ALDH3B1: variants seen among roughly 807,000 people sequenced by gnomAD.
ALDH3B1 encodes the protein aldehyde dehydrogenase family 3 member B1.
In ALDH3B1, 37 loss-of-function variants were observed where a neutral mutation model predicts 46.2. The ratio of observed to expected loss-of-function variants is 0.80; its 90% CI spans 0.62 to 1.05. The LOEUF is 1.05. Among genes scored for constraint, ALDH3B1 ranks in the 50% least tolerant of loss-of-function variants. The pLI is 0.00. For missense variants in ALDH3B1, 603 were observed against 665.5 expected (o/e 0.91, Z 1.03); for synonymous variants, 283 against 281.0 (o/e 1.01, Z -0.07).
intron 1 of ALDH3B1, among the ~76,000 whole-genome samples, chr11:68,013,662 C>T (rs184830566): frequency 3.9e-4 from 59 of 152,334 alleles, no homozygotes; most frequent in African/African-American, 1.4e-3. Context: ...CATTAGCATC[C>T]CCATTTCACA....
chr11:68,018,895 T>G lies in ALDH3B1; in HGVS notation c.394+2T>G, dbSNP rs754760364. On this transcript the variant is annotated splice_donor_variant, in intron 4 of 9. Transcript: ENST00000342456. LOFTEE classifies it high-confidence loss of function. ...CCCTCGTGGGAGCCCTCGCTGCAGG[T>G]GAGAGCTGGGCCTGCCCCTTCCGGT... 8 of 1,553,456 alleles carry G rather than the reference T, an allele frequency of 5.1e-6. No individual in the cohort carries two copies. The Admixed American group carries it at 7.8e-5, about 15-fold the overall frequency.
chr11:68,022,419 G>A (rs1021447873), intron 7 of ALDH3B1, among the ~76,000 whole-genome samples, 176 bp from the exon 8 acceptor site: 2 of 152,184 alleles, frequency 1.3e-5, no homozygotes, highest in African/African-American at 4.8e-5. Context: ...AGTCCCTTCT[G>A]GGGGGCTGTG....
At chr11:68,023,706 A>G (rs1857558239) in intron 8 of ALDH3B1, among the ~76,000 whole-genome samples, 2 of 152,028 alleles carry the variant, frequency 1.3e-5, no homozygotes. Context: ...CCCACACCTA[A>G]TTTCCCCCAT....
rs1292082996 is a variant in ALDH3B1 at position 68,029,084 on chromosome 11, G to A, written c.*1145G>A. ...CAATTTCCTAACAAGCCGGATGCTTGAGAAACCTACATTTGGACAATGAGA... is the reference window on the plus strand; with the variant it reads ...CAATTTCCTAACAAGCCGGATGCTTAAGAAACCTACATTTGGACAATGAGA... On this transcript the variant is annotated 3_prime_UTR_variant, in exon 10 of 10. Transcript: ENST00000342456. 1 of 152,254 alleles carries A rather than the reference G, an allele frequency of 6.6e-6. No homozygotes were observed. The highest frequency in any genetic ancestry group is 2.4e-5 in the African/African-American group (1 of 41,446). 9.4% of individuals were successfully genotyped at this position (152,254 alleles called of 1,614,324 possible).
At chr11:68,024,306 G>T (rs1039703922) in intron 8 of ALDH3B1, 1 of 152,242 alleles carries the variant, frequency 6.6e-6, no homozygotes, top group African/African-American at 2.4e-5. Flanking sequence ...ACCGGGTCAG[G>T]ACGGTATCTG....
At chr11:68,009,295 C>CAGGCAT (rs1330511116), upstream of ALDH3B1, among the ~76,000 whole-genome samples, 1 of 152,208 alleles carries the variant, frequency 6.6e-6, no homozygotes, top group Admixed American at 6.5e-5. Context: ...GGGAGAGGAG[C>CAGGCAT]AGGCATGAGG....
upstream of ALDH3B1, among the ~76,000 whole-genome samples, chr11:68,008,860 T>C (rs193115937): frequency 6.6e-6 from 1 of 152,238 alleles, no homozygotes; most frequent in Non-Finnish European, 1.5e-5. Flanking sequence ...TCCACACCTG[T>C]CACCCTGTCC....
rs1857322549 is a variant in ALDH3B1 at position 68,015,305 on chromosome 11, C to T, written c.8C>T (p.Pro3Leu). MD[P>L]LGDTLRRLRE... Reference sequence around the variant, plus strand: ...GCCACCCCATCTGGCAGGATGGACCCCCTTGGGGACACGCTGCGGCGACTG... The same window carrying T: ...GCCACCCCATCTGGCAGGATGGACCTCCTTGGGGACACGCTGCGGCGACTG... The change falls in exon 2 of 10, where the codon CCC becomes CTC. Residue 3 changes from proline to leucine, a missense_variant. Physicochemically the swap from Pro to Leu is moderately conservative, Grantham distance 98 (BLOSUM62 -3). Coordinates refer to ENST00000342456, the MANE Select transcript of ALDH3B1 (RefSeq NM_000694.4). 2.7e-6 allele frequency: 4 copies of T among 1,499,878 alleles called. No homozygotes were observed. The East Asian group carries it at 7.4e-5, about 28-fold the overall frequency. The allele number at this position is 1,499,878 out of a possible 1,614,324, so 92.9% of individuals were successfully genotyped here. A position where few individuals can be genotyped will look rare whatever the true frequency, so the allele number is the denominator to read the frequency against.
chr11:68,020,043 C>A (rs1857453128), intron 6 of ALDH3B1, among the ~76,000 whole-genome samples: 1 of 152,124 alleles, frequency 6.6e-6, no homozygotes, highest in Non-Finnish European at 1.5e-5. Context: ...TGTCCCCAGA[C>A]CCTCATACGT....
Position 68,028,973 on chromosome 11 carries a change from A to G in ALDH3B1, c.*1034A>G, listed in dbSNP as rs917034428. 6.6e-6 allele frequency: 1 copy of G among 152,266 alleles called. No homozygotes were observed. The highest frequency in any genetic ancestry group is 2.4e-5 in the African/African-American group (1 of 41,434). 9.4% of individuals were successfully genotyped at this position (152,266 alleles called of 1,614,324 possible). A position where few individuals can be genotyped will look rare whatever the true frequency, so the allele number is the denominator to read the frequency against. On this transcript the variant is annotated 3_prime_UTR_variant, in exon 10 of 10. Transcript: ENST00000342456. ...CTCCTGGGCCCCATCCACTCAGCCA[A>G]AGCAGAATGCAGGGTTTCCTGCCTG...
chr11:68,019,890 G>A lies in ALDH3B1; in HGVS notation c.562+94G>A, dbSNP rs1485714334. ...AACTCTGGGAGTCCACAGGGAGACTGAATTCTCCTCTCTCTCTCTCTCTGG... is the reference window on the plus strand; with the variant it reads ...AACTCTGGGAGTCCACAGGGAGACTAAATTCTCCTCTCTCTCTCTCTCTGG... On this transcript the variant is annotated intron_variant, in intron 6 of 9. Coordinates refer to ENST00000342456, the MANE Select transcript of ALDH3B1 (RefSeq NM_000694.4). 7 of 1,321,836 alleles carry A rather than the reference G, an allele frequency of 5.3e-6. No homozygotes were observed. The Admixed American group carries it at 1.1e-4, about 20-fold the overall frequency. The allele number at this position is 1,321,836 out of a possible 1,614,324, so 81.9% of individuals were successfully genotyped here.
intron 2 of ALDH3B1, 91 bp from the exon 3 acceptor site, chr11:68,018,436 G>A: frequency 1.1e-6 from 1 of 939,890 alleles, no homozygotes; most frequent in Non-Finnish European, 1.6e-6. Flanking sequence ...GAATGAATGA[G>A]TTGTGGAAGC....
intron 6 of ALDH3B1, among the ~76,000 whole-genome samples, chr11:68,020,859 G>C (rs1244555682): frequency 6.6e-6 from 1 of 152,210 alleles, no homozygotes; most frequent in African/African-American, 2.4e-5. Flanking sequence ...AGGAGGCCTT[G>C]AGGCCCAGAC....
chr11:68,022,091 G>C (rs557365469), intron 7 of ALDH3B1, among the ~76,000 whole-genome samples: 1 of 152,334 alleles, frequency 6.6e-6, no homozygotes, highest in Non-Finnish European at 1.5e-5. Flanking sequence ...GATTCGCTGA[G>C]CTCAGATCCC....
intron 9 of ALDH3B1, 52 bp from the exon 10 acceptor site, chr11:68,027,697 T>C: frequency 1.3e-6 from 2 of 1,529,958 alleles, no homozygotes; most frequent in Non-Finnish European, 1.8e-6. Flanking sequence ...CCACTGTCTG[T>C]GACTAGGAGA....
At chr11:68,015,064 G>C in intron 1 of ALDH3B1, 1 of 447,660 alleles carries the variant, frequency 2.2e-6, no homozygotes, top group South Asian at 5.5e-5. Context: ...GGAGTGGTGC[G>C]AGGGTCTTCA....
In ALDH3B1 at chr11:68,018,651, G is replaced by C; in HGVS notation, c.273+14G>C. 1 of 1,560,000 alleles carries C rather than the reference G, an allele frequency of 6.4e-7. No homozygotes were observed. Among genetic ancestry groups the C allele is most frequent in the Non-Finnish European group, 8.7e-7 (1 of 1,152,292 alleles). On this transcript the variant is annotated intron_variant, in intron 3 of 9. Coordinates refer to ENST00000342456, the MANE Select transcript of ALDH3B1 (RefSeq NM_000694.4). ...CCCAAGAACCTGGTGAGCCGGCCGG[G>C]CTGAGGCGGGCAGGGGGCTCAGGGG...
At position 68,015,328 on chromosome 11, in the gene ALDH3B1, C is replaced by T. The variant is rs747267919; in HGVS notation, c.31C>T (p.Leu11=). Residue 11 remains leucine, a synonymous_variant, in exon 2 of 10, where the codon CTG becomes TTG. Transcript: ENST00000342456. ...CCCCCTTGGGGACACGCTGCGGCGA[C>T]TGCGGGAGGCCTTCCACGCGGGGCG... is the stretch of plus-strand genomic sequence containing the variant. MDPLGDTLRR[L]REAFHAGRTR... 1 of 1,520,602 alleles carries T rather than the reference C, an allele frequency of 6.6e-7. No homozygotes were observed. The highest frequency in any genetic ancestry group is 1.3e-5 in the South Asian group (1 of 79,912). The allele number at this position is 1,520,602 out of a possible 1,614,324, so 94.2% of individuals were successfully genotyped here.
intron 8 of ALDH3B1, among the ~76,000 whole-genome samples, chr11:68,025,713 C>T (rs1857606243): frequency 6.6e-6 from 1 of 152,166 alleles, no homozygotes; most frequent in Non-Finnish European, 1.5e-5. Context: ...CTCCATGTCC[C>T]CAAGCAACAC....
Sources: gnomAD v4.1 joint callset for allele counts (sites outside exome capture counted in the v4.1 genomes callset) on GRCh38, gnomAD v4.1.1 for gene constraint, MANE v1.5 for transcripts, NCBI Gene and HGNC (gene_info 2026-07-23, HGNC 2026-07-21) for gene names.